COL16A1: variants seen among roughly 807,000 people sequenced by gnomAD.
COL16A1 encodes the protein collagen type XVI alpha 1 chain.
Under a neutral mutation model 266.3 loss-of-function variants are expected in COL16A1, and 189 were observed. The ratio of observed to expected loss-of-function variants is 0.71; its 90% CI spans 0.63 to 0.80. The LOEUF is 0.80. Ranked by LOEUF, COL16A1 falls within the 30% of genes least tolerant of loss-of-function variation. The pLI is 0.00. For missense variants in COL16A1, 1,928 were observed against 2,122.4 expected, an observed-to-expected ratio of 0.91 and a Z score of 1.80; for synonymous variants, 740 against 782.3, an observed-to-expected ratio of 0.95 and a Z score of 0.90.
chr1:31,654,455 A>G (rs1345812645), intron 68 of COL16A1, among the ~76,000 whole-genome samples: 1 of 138,880 alleles, frequency 7.2e-6, no homozygotes, highest in Non-Finnish European at 1.6e-5. Flanking sequence ...AAACACTTCA[A>G]ATAAACCACC....
At chr1:31,675,705 C>T (rs1338102766) in intron 42 of COL16A1, among the ~76,000 whole-genome samples, 1 of 151,746 alleles carries the variant, frequency 6.6e-6, no homozygotes, top group Admixed American at 6.6e-5. Context: ...ACTCTGTCAC[C>T]CAGGCTGGAG....
intron 48 of COL16A1, 28 bp downstream of exon 48, chr1:31,671,587 A>G: frequency 1.9e-6 from 3 of 1,613,934 alleles, no homozygotes; most frequent in Non-Finnish European, 2.5e-6. Context: ...GAGCTTCTCA[A>G]GCAGACCAGG....
Position 31,663,081 on chromosome 1 carries a change from GGC to G in COL16A1, c.3556-425_3556-424del, listed in dbSNP as rs1464700797. On this transcript the variant is annotated intron_variant, in intron 56 of 70. Transcript: ENST00000373672. The surrounding 1 kb of genome is among the most constrained non-coding windows in gnomAD (Gnocchi z 4.9). ...CCCCATCCCAGCAGACATGGGCCCG[GGC>G]TGCACAGAGGCCTCAACAGCGCACG... The G allele has an allele frequency of 5.7e-5, 14 of 247,078 alleles. No homozygotes were observed. The highest frequency in any genetic ancestry group is 3.1e-4 in the African/African-American group (14 of 44,654). The allele number at this position is 247,078 out of a possible 1,614,324, so 15.3% of individuals were successfully genotyped here. A position where few individuals can be genotyped will look rare whatever the true frequency, so the allele number is the denominator to read the frequency against.
At position 31,691,811 on chromosome 1, in the gene COL16A1, G is replaced by A. The variant is rs2297677; in HGVS notation, c.1258-169C>T. On this transcript the variant is annotated intron_variant, in intron 17 of 70. Transcript: ENST00000373672. Reference sequence around the variant, plus strand: ...GTCAACCTTATGGTGTTAGAGGTTCGGGGCTCTGAGGCTGGGAGTGAGGGG... The same window carrying A: ...GTCAACCTTATGGTGTTAGAGGTTCAGGGCTCTGAGGCTGGGAGTGAGGGG... 1.3e-3 allele frequency among the ~76,000 whole-genome samples: 195 copies of A among 152,150 alleles called. 2 individuals are homozygous for A. The East Asian group carries it at 0.019, about 15-fold the overall frequency.
rs1218384088 is a variant in COL16A1 at position 31,685,800 on chromosome 1, TC to T, written c.1885-31del. 22 of 1,610,254 alleles carry T rather than the reference TC, an allele frequency of 1.4e-5. 1 individual carries two copies. Among genetic ancestry groups the T allele is most frequent in the Non-Finnish European group, 1.6e-5 (19 of 1,177,964 alleles). ...CAAGCAAGGACATTGAGTTAGGGGG[TC>T]CCCCAGGCCCTAGTGCACTTGAGCG... On this transcript the variant is annotated intron_variant, in intron 28 of 70. Transcript: ENST00000373672. This position sits in a 1 kb window ranked among gnomAD's most constrained non-coding sequence, Gnocchi z 4.0.
At chr1:31,675,865 T>C (rs1643139494) in intron 42 of COL16A1, among the ~76,000 whole-genome samples, 1 of 152,124 alleles carries the variant, frequency 6.6e-6, no homozygotes, top group South Asian at 2.1e-4. Context: ...GTCTCGCTGG[T>C]AGGCTGGTCT....
rs1557598575 is a variant in COL16A1, at chr1:31,653,600, TG to T, written c.4610del (p.Pro1537GlnfsTer60). 1.2e-6 allele frequency: 2 copies of T among 1,613,390 alleles called. No individual in the cohort carries two copies. The highest frequency in any genetic ancestry group is 1.7e-6 in the Non-Finnish European group (2 of 1,179,576). On this transcript the variant is annotated frameshift_variant and splice_region_variant, in exon 70 of 71. Coordinates refer to ENST00000373672, the MANE Select transcript of COL16A1 (RefSeq NM_001856.4). LOFTEE classifies it high-confidence loss of function. ...GTCTCAAATGGTGGTATTTCCTACC[TG>T]GGGGGCCGGGAAGACCATTTTCTCC... is the stretch of plus-strand genomic sequence containing the variant. ...IAGENGLPGP[P>X]GPQGPPGYGK...
intron 3 of COL16A1, 48 bp from the exon 4 acceptor site, chr1:31,699,978 GGGT>G (rs776505637): frequency 3.9e-5 from 62 of 1,603,680 alleles, no homozygotes; most frequent in Non-Finnish European, 3.8e-5. Context: ...AGGTGGAGAG[GGGT>G]ACAGATCACT....
chr1:31,667,877 A>G (rs904152919), intron 51 of COL16A1, among the ~76,000 whole-genome samples: 2 of 151,988 alleles, frequency 1.3e-5, no homozygotes, highest in Non-Finnish European at 2.9e-5. Context: ...TGTCTCTCCA[A>G]TCTCCCAAAC....
At position 31,662,371 on chromosome 1, in the gene COL16A1, T is replaced by A; in HGVS notation, c.3644A>T (p.Asp1215Val). Residue 1215 changes from aspartate (D) to valine (V), a missense_variant, in exon 58 of 71, where the codon GAT becomes GTT. Around this residue, in one of 2 missense-constraint regions of COL16A1, gnomAD observed 1,552 missense variants for 1,637.2 expected, o/e 0.95. Transcript: ENST00000373672. ...CTTGCCGTCCTTCCCATCCAAACCA[T>A]CCAGACCGGCGGGGCCCTGGAAACA... ...PPGIQGPAGL[D>V]GLDGKDGKPG... The A allele has an allele frequency of 7.0e-7, 1 of 1,426,324 alleles. No individual in the cohort carries two copies. Among genetic ancestry groups the A allele is most frequent in the Admixed American group, 1.9e-5 (1 of 53,750 alleles). 88.4% of individuals were successfully genotyped at this position (1,426,324 alleles called of 1,614,324 possible).
Position 31,665,480 on chromosome 1 carries a change from C to A in COL16A1, c.3492+103G>T, listed in dbSNP as rs910798139. ...CAGGCCGTTCTCCCCTGCCTCTCCC[C>A]TCTTCTCCCCAGGACCATCCTACCC... On this transcript the variant is annotated intron_variant, in intron 55 of 70. Transcript: ENST00000373672. 5 of 1,601,436 alleles carry A rather than the reference C, an allele frequency of 3.1e-6. No homozygotes were observed. In the African/African-American group the frequency reaches 6.7e-5, roughly 21 times the overall value.
chr1:31,671,640 C>A lies in COL16A1; in HGVS notation c.3125G>T (p.Gly1042Val). 1.2e-6 allele frequency: 2 copies of A among 1,614,106 alleles called. No homozygotes were observed. The highest frequency in any genetic ancestry group is 1.7e-6 in the Non-Finnish European group (2 of 1,180,004). ...GATAGGGCCTGGAGGACCCGGGGAG[C>A]CCCTCATGCCAGGCGGACCCTGCAA... ...RGEEGPPGMR[G>V]SPGPPGPIGP... The change falls in exon 48 of 71, where the codon GGC becomes GTC. Residue 1042 changes from glycine to valine, a missense_variant. Gly to Val is a moderately radical substitution (Grantham distance 109). Transcript: ENST00000373672.
rs561814177 is a variant in COL16A1 at position 31,684,564 on chromosome 1, C to G, written c.2119G>C (p.Glu707Gln). The change falls in exon 31 of 71, where the codon GAG becomes CAG. Residue 707 changes from glutamate (E) to glutamine (Q), a missense_variant. Physicochemically the swap from Glu to Gln is conservative, Grantham distance 29. Transcript: ENST00000373672. ...GTTGRPGLSG[E>Q]PGVQGPAGPK... is the part of the protein sequence containing the mutation. The stretch of plus-strand genomic sequence containing the variant: ...CCCGCGGGGCCCTGAACTCCAGGCT[C>G]TCCTGACAGTCCTGGCCGCCCTGTG... 28 of 1,613,858 alleles carry G rather than the reference C, an allele frequency of 1.7e-5. No homozygotes were observed. In the South Asian group the frequency reaches 2.1e-4, roughly 12 times the overall value.
At position 31,697,260 on chromosome 1, in the gene COL16A1, A is replaced by G. The variant is rs1644540996; in HGVS notation, c.698T>C (p.Leu233Pro). Residue 233 changes from leucine (L) to proline (P), a missense_variant, in exon 7 of 71, where the codon CTC (leucine) becomes CCC (proline). Physicochemically the swap from Leu to Pro is moderately conservative, Grantham distance 98 (BLOSUM62 -3). Coordinates refer to ENST00000373672, the MANE Select transcript of COL16A1 (RefSeq NM_001856.4). This position sits in a 1 kb window ranked among gnomAD's most constrained non-coding sequence, Gnocchi z 4.2. ...QQVHIYCDPE[L>P]VLEEGCCEIL... is the part of the protein sequence containing the mutation. ...CTCACAGCAGCCCTCCTCCAGCACGAGCTCCGGGTCACAGTAGATGTGCAC... is the reference window on the plus strand; with the variant it reads ...CTCACAGCAGCCCTCCTCCAGCACGGGCTCCGGGTCACAGTAGATGTGCAC... 1 of 1,612,742 alleles carries G rather than the reference A, an allele frequency of 6.2e-7. No individual in the cohort carries two copies. The highest frequency in any genetic ancestry group is 8.5e-7 in the Non-Finnish European group (1 of 1,179,440).
intron 12 of COL16A1, 71 bp downstream of exon 12, chr1:31,694,073 G>C: frequency 7.0e-7 from 1 of 1,422,722 alleles, no homozygotes; most frequent in Non-Finnish European, 9.8e-7. Flanking sequence ...ACAGCCACAG[G>C]GTCACATGCT....
Position 31,683,937 on chromosome 1 carries a change from G to A in COL16A1, c.2337+13C>T, listed in dbSNP as rs1043658805. On this transcript the variant is annotated intron_variant, in intron 33 of 70. Coordinates refer to ENST00000373672, the MANE Select transcript of COL16A1 (RefSeq NM_001856.4). The stretch of plus-strand genomic sequence containing the variant: ...ACGTAGCTACGGCCCAGGGCCCCAA[G>A]ACTCACACATACCTGCACGCCCTTC... 2.2e-5 allele frequency: 36 copies of A among 1,613,940 alleles called. No individual in the cohort carries two copies. The highest frequency in any genetic ancestry group is 2.9e-5 in the Non-Finnish European group (34 of 1,180,006).
rs368836139 is a variant in COL16A1, at chr1:31,655,380, C to G, written c.4224G>C (p.Glu1408Asp). 1.2e-6 allele frequency: 2 copies of G among 1,613,970 alleles called. No homozygotes were observed. The highest frequency in any genetic ancestry group is 2.7e-5 in the African/African-American group (2 of 74,908). Residue 1408 changes from glutamate to aspartate, a missense_variant, in exon 67 of 71, where the codon GAG becomes GAC. Transcript: ENST00000373672. ...GPVGPPGPAG[E>D]RGHPGAPGPS... Reference sequence around the variant, plus strand: ...GCCCCGGAGCTCCAGGGTGGCCTCTCTCTCCTGCAGGGCCCGGTGGCCCAA... The same window carrying G: ...GCCCCGGAGCTCCAGGGTGGCCTCTGTCTCCTGCAGGGCCCGGTGGCCCAA...
chr1:31,680,880 T>C lies in COL16A1; in HGVS notation c.2610+25A>G, dbSNP rs1643583717. On this transcript the variant is annotated intron_variant, in intron 39 of 70. Transcript: ENST00000373672. ...GAGGGGCTGCTAATCCCCTAGAATA[T>C]GGGTCACAGGCCCTTGGAACTCACC... 6 of 1,613,978 alleles carry C rather than the reference T, an allele frequency of 3.7e-6. No homozygotes were observed. In the East Asian group the frequency reaches 1.1e-4, roughly 30 times the overall value.
At chr1:31,690,794 C>T (rs994089196) in intron 20 of COL16A1, among the ~76,000 whole-genome samples, 3 of 152,172 alleles carry the variant, frequency 2.0e-5, no homozygotes, top group Non-Finnish European at 4.4e-5. Context: ...TTCTGTGTGC[C>T]CCTTCACTGG....
Sources: gnomAD v4.1 joint callset for allele counts (sites outside exome capture counted in the v4.1 genomes callset) on GRCh38, gnomAD v4.1.1 for gene constraint, gnomAD v4.1.1 regional missense constraint, Gnocchi (gnomAD v3.1) non-coding constraint, MANE v1.5 for transcripts, NCBI Gene and HGNC (gene_info 2026-07-23, HGNC 2026-07-21) for gene names.